THTPA: variants seen among roughly 807,000 people sequenced by gnomAD.
The protein encoded by THTPA is thiamine triphosphatase.
In THTPA, 16 loss-of-function variants were observed where a neutral mutation model predicts 16.5. The observed-to-expected ratio is 0.97, with a 90% confidence interval of 0.66 to 1.47. The LOEUF (loss-of-function observed/expected upper bound fraction) is 1.47, where lower values mean the gene tolerates loss of function less well. Among genes scored for constraint, THTPA ranks in the 40% most tolerant of loss-of-function variants. THTPA has a pLI of 0.00. For missense variants in THTPA, 281 were observed against 280.9 expected, an observed-to-expected ratio of 1.00 and a Z score of 0.00; for synonymous variants, 110 against 115.5, an observed-to-expected ratio of 0.95 and a Z score of 0.30.
At chr14:23,545,717 C>A in the THTPA span, among the ~76,000 whole-genome samples, 2 of 152,232 alleles carry the variant, frequency 1.3e-5, no homozygotes, top group East Asian at 1.9e-4. Flanking sequence ...ACCACTGATA[C>A]AGAACACAGA....
chr14:23,518,358 C>T, the THTPA span, among the ~76,000 whole-genome samples: 1 of 152,144 alleles, frequency 6.6e-6, no homozygotes, highest in African/African-American at 2.4e-5. The surrounding 1 kb of genome is among the most constrained non-coding windows in gnomAD (Gnocchi z 4.5). Context: ...GCTATTATGC[C>T]TGGAATAAAA....
upstream of THTPA, among the ~76,000 whole-genome samples, chr14:23,552,898 G>A (rs1459968738): frequency 2.0e-5 from 3 of 152,144 alleles, no homozygotes; most frequent in South Asian, 2.1e-4. Flanking sequence ...CACCTCACCC[G>A]GCCGCTCCTG....
the THTPA span, chr14:23,531,887 A>C: frequency 2.1e-6 from 2 of 931,258 alleles, no homozygotes; most frequent in Non-Finnish European, 2.8e-6. Context: ...AGTGATTCTC[A>C]TGCCTCAGCC....
At chr14:23,547,857 T>C in the THTPA span, among the ~76,000 whole-genome samples, 1 of 152,166 alleles carries the variant, frequency 6.6e-6, no homozygotes, top group Non-Finnish European at 1.5e-5. Flanking sequence ...TGGAAAACAA[T>C]TGGAAACTAG....
intron 1 of THTPA, 112 bp from the exon 2 acceptor site, chr14:23,558,583 C>T (rs1882841601): frequency 1.4e-6 from 2 of 1,394,682 alleles, no homozygotes; most frequent in Non-Finnish European, 2.0e-6. Context: ...ACATTCAGAA[C>T]CCCAGTGTGG....
At chr14:23,538,554 C>T in the THTPA span, among the ~76,000 whole-genome samples, 4 of 152,148 alleles carry the variant, frequency 2.6e-5, no homozygotes, top group Non-Finnish European at 5.9e-5. Context: ...CCTCCTGCCA[C>T]CCCCAAGACC....
upstream of THTPA, among the ~76,000 whole-genome samples, chr14:23,553,066 A>T (rs546245969): frequency 6.6e-6 from 1 of 152,354 alleles, no homozygotes; most frequent in South Asian, 2.1e-4. Context: ...GTGAATTAAC[A>T]GGCCCAAGGT....
At chr14:23,540,772 G>A in the THTPA span, among the ~76,000 whole-genome samples, 2 of 152,348 alleles carry the variant, frequency 1.3e-5, no homozygotes, top group South Asian at 2.1e-4. Flanking sequence ...GATAGGTAAC[G>A]TGTAAAGTGC....
chr14:23,531,515 G>C, the THTPA span: 1 of 1,471,858 alleles, frequency 6.8e-7, no homozygotes, highest in Non-Finnish European at 9.0e-7. Flanking sequence ...TGAAGCTCAG[G>C]ATGCTCTGAA....
At position 23,558,999 on chromosome 14, in the gene THTPA, C is replaced by T; in HGVS notation, c.*159C>T. 1 of 880,486 alleles carries T rather than the reference C, an allele frequency of 1.1e-6. No homozygotes were observed. Among genetic ancestry groups the T allele is most frequent in the Non-Finnish European group, 1.7e-6 (1 of 591,620 alleles). 54.5% of individuals were successfully genotyped at this position (880,486 alleles called of 1,614,324 possible). ...TCCTCTAAGCTACTCTTCCTTGAGC[C>T]CTCCCTGGCTGCTTCCTCTCGCTCA... On this transcript the variant is annotated 3_prime_UTR_variant, in exon 2 of 2. Transcript: ENST00000288014.
the THTPA span, among the ~76,000 whole-genome samples, chr14:23,519,807 G>C: frequency 6.6e-6 from 1 of 152,172 alleles, no homozygotes; most frequent in Non-Finnish European, 1.5e-5. Flanking sequence ...TGATGTGACT[G>C]ATAGAGCAGA....
At chr14:23,527,036 AC>A in the THTPA span, 1 of 1,447,968 alleles carries the variant, frequency 6.9e-7, no homozygotes, top group Non-Finnish European at 9.0e-7. Flanking sequence ...GCCACTCCTG[AC>A]CCATCTGCCC....
At chr14:23,542,646 G>C in the THTPA span, among the ~76,000 whole-genome samples, 1 of 152,140 alleles carries the variant, frequency 6.6e-6, no homozygotes, top group South Asian at 2.1e-4. Flanking sequence ...TGAGCACTCA[G>C]GGAGTTGTCC....
At chr14:23,534,228 T>C in the THTPA span, 2 of 1,515,522 alleles carry the variant, frequency 1.3e-6, no homozygotes, top group Non-Finnish European at 1.8e-6. This position sits in a 1 kb window ranked among gnomAD's most constrained non-coding sequence, Gnocchi z 4.5. Context: ...CCTCGCCTGC[T>C]GCTACTGGCG....
At chr14:23,524,593 G>A in the THTPA span, 5 of 1,536,240 alleles carry the variant, frequency 3.3e-6, no homozygotes, top group Admixed American at 9.8e-5. The surrounding 1 kb of genome is among the most constrained non-coding windows in gnomAD (Gnocchi z 5.6). Context: ...GACTGGTCAG[G>A]AGGTCCTGGC....
the THTPA span, chr14:23,527,876 A>C: frequency 1.3e-6 from 1 of 749,052 alleles, no homozygotes; most frequent in Non-Finnish European, 2.2e-6. Flanking sequence ...AGTCCTTTGG[A>C]TGCAGCACTG....
the THTPA span, among the ~76,000 whole-genome samples, chr14:23,547,857 T>A: frequency 1.3e-5 from 2 of 152,166 alleles, no homozygotes; most frequent in Non-Finnish European, 1.5e-5. Flanking sequence ...TGGAAAACAA[T>A]TGGAAACTAG....
the THTPA span, chr14:23,524,783 T>G: frequency 1.3e-6 from 2 of 1,536,664 alleles, no homozygotes; most frequent in Non-Finnish European, 1.7e-6. The surrounding 1 kb of genome is among the most constrained non-coding windows in gnomAD (Gnocchi z 5.6). Context: ...CTGTTCCTCC[T>G]CTACTTCTTC....
At chr14:23,529,649 G>T in the THTPA span, 1 of 1,419,044 alleles carries the variant, frequency 7.0e-7, no homozygotes, top group South Asian at 1.2e-5. Context: ...TTTAGAATAT[G>T]AGCAGATCTC....
Sources: gnomAD v4.1 joint callset for allele counts (sites outside exome capture counted in the v4.1 genomes callset) on GRCh38, gnomAD v4.1.1 for gene constraint, Gnocchi (gnomAD v3.1) non-coding constraint, MANE v1.5 for transcripts, NCBI Gene and HGNC (gene_info 2026-07-23, HGNC 2026-07-21) for gene names.